Variants in ATG7 observed in about 807,000 individuals in gnomAD.
ATG7 encodes ubiquitin-like modifier-activating enzyme ATG7.
In ATG7, 70 loss-of-function variants were observed where a neutral mutation model predicts 82.4. The ratio of observed to expected loss-of-function variants is 0.85; its 90% CI spans 0.70 to 1.04. ATG7 has a LOEUF of 1.04. Among genes scored for constraint, ATG7 ranks in the 50% least tolerant of loss-of-function variants. ATG7 has a pLI of 0.00. For missense variants in ATG7, 792 were observed against 864.3 expected (o/e 0.92, Z 1.05); for synonymous variants, 287 against 313.0 (o/e 0.92, Z 0.88).
intron 20 of ATG7, among the ~76,000 whole-genome samples, chr3:11,537,886 G>T (rs564132238): frequency 6.6e-6 from 1 of 152,090 alleles, no homozygotes; most frequent in Non-Finnish European, 1.5e-5. Context: ...GGTAGAGCCC[G>T]GATCCAAAAT....
intron 20 of ATG7, among the ~76,000 whole-genome samples, chr3:11,496,746 T>C (rs1004689585): frequency 5.3e-5 from 8 of 152,238 alleles, no homozygotes; most frequent in Non-Finnish European, 7.3e-5. Flanking sequence ...TTCTGTGGGA[T>C]GTATTATCAT....
chr3:11,306,882 C>A, intron 5 of ATG7, 61 bp from the exon 6 acceptor site: 1 of 1,348,058 alleles, frequency 7.4e-7, no homozygotes, highest in Non-Finnish European at 1.1e-6. Context: ...TGGTGGTTGA[C>A]TTGTCTCTCC....
intron 20 of ATG7, among the ~76,000 whole-genome samples, chr3:11,537,112 C>T (rs373155999): frequency 6.6e-6 from 1 of 152,094 alleles, no homozygotes; most frequent in Non-Finnish European, 1.5e-5. Context: ...CTGCTGTCAG[C>T]CCCCCGGAGC....
intron 19 of ATG7, among the ~76,000 whole-genome samples, chr3:11,401,355 C>T (rs2079817381): frequency 6.6e-6 from 1 of 152,036 alleles, no homozygotes; most frequent in Non-Finnish European, 1.5e-5. Context: ...TCCAAGTATC[C>T]TTCAAATAAT....
chr3:11,458,455 G>A (rs866039862), intron 20 of ATG7, among the ~76,000 whole-genome samples: 1 of 152,086 alleles, frequency 6.6e-6, no homozygotes, highest in African/African-American at 2.4e-5. Context: ...AGTAGAGACT[G>A]GGTTTCACCG....
At chr3:11,522,799 T>A (rs900820342) in intron 20 of ATG7, among the ~76,000 whole-genome samples, 1 of 152,202 alleles carries the variant, frequency 6.6e-6, no homozygotes, top group Non-Finnish European at 1.5e-5. Context: ...TCTGAGCTTG[T>A]GGTACAGACT....
At chr3:11,338,529 A>G (rs1458443981) in intron 11 of ATG7, among the ~76,000 whole-genome samples, 1 of 152,146 alleles carries the variant, frequency 6.6e-6, no homozygotes, top group East Asian at 1.9e-4. Flanking sequence ...TGAAACTCAA[A>G]TCTGACTGGG....
In ATG7 at chr3:11,519,539, G is replaced by GTTTTTT. The variant is rs574523805; in HGVS notation, c.2080-35239_2080-35234dup. On this transcript the variant is annotated intron_variant, in intron 20 of 20. Transcript: ENST00000693202. ...TCATGAAAGGCAGGCAGTGAGAGGA[G>GTTTTTT]TTTTTTTTTTTTTTTTTTTTTTTTT... 2.1e-4 allele frequency among the ~76,000 whole-genome samples: 13 copies of GTTTTTT among 62,206 alleles called. 5 individuals carry two copies. Among genetic ancestry groups the GTTTTTT allele is most frequent in the South Asian group, 8.9e-4 (1 of 1,120 alleles). 40.8% of individuals were successfully genotyped at this position (62,206 alleles called of 152,430 possible). A position where few individuals can be genotyped will look rare whatever the true frequency, so the allele number is the denominator to read the frequency against.
chr3:11,472,524 A>G (rs76113546), intron 20 of ATG7, among the ~76,000 whole-genome samples: 1,722 of 152,326 alleles, frequency 0.011, 30 homozygotes, highest in African/African-American at 0.039. Flanking sequence ...TAAGTCACAT[A>G]ATCTGAGAGC....
At chr3:11,511,816 A>G (rs566976911) in intron 20 of ATG7, among the ~76,000 whole-genome samples, 31 of 152,146 alleles carry the variant, frequency 2.0e-4, no homozygotes, top group African/African-American at 7.2e-4. Flanking sequence ...TACTCAGTAC[A>G]CCCTCCGCAG....
intron 3 of ATG7, among the ~76,000 whole-genome samples, chr3:11,288,892 C>T (rs1489316483): frequency 6.6e-6 from 1 of 152,194 alleles, no homozygotes; most frequent in Non-Finnish European, 1.5e-5. Flanking sequence ...GCTGCTATTT[C>T]AGTTTAATCT....
intron 5 of ATG7, among the ~76,000 whole-genome samples, chr3:11,304,955 G>A (rs1947474024): frequency 6.6e-6 from 1 of 152,018 alleles, no homozygotes; most frequent in Non-Finnish European, 1.5e-5. Flanking sequence ...ATTAATTCCA[G>A]AACATTTCCA....
At chr3:11,395,337 T>C (rs1357734266) in intron 19 of ATG7, among the ~76,000 whole-genome samples, 1 of 152,178 alleles carries the variant, frequency 6.6e-6, no homozygotes, top group Admixed American at 6.5e-5. Context: ...AATGGGATTA[T>C]AGATAAACTT....
intron 9 of ATG7, among the ~76,000 whole-genome samples, chr3:11,318,260 G>A (rs1052049163): frequency 1.6e-4 from 24 of 152,176 alleles, no homozygotes; most frequent in Admixed American, 7.9e-4. Context: ...CTCAGCACAC[G>A]TGATGAACAC....
chr3:11,537,969 C>T (rs1330510422), intron 20 of ATG7, among the ~76,000 whole-genome samples: 1 of 146,856 alleles, frequency 6.8e-6, no homozygotes, highest in Admixed American at 6.8e-5. Flanking sequence ...TGGTACCTGG[C>T]CGAGATCTGG....
At chr3:11,488,520 T>TCCGCACTGCCCCGGGC (rs1337259280) in intron 20 of ATG7, 1 of 1,196,280 alleles carries the variant, frequency 8.4e-7, no homozygotes, top group Admixed American at 4.6e-5. Context: ...CTGTCCCGGC[T>TCCGCACTGCCCCGGGC]CCGCACTGCC....
At chr3:11,293,768 G>A (rs1024832692) in intron 3 of ATG7, among the ~76,000 whole-genome samples, 16 of 150,214 alleles carry the variant, frequency 1.1e-4, no homozygotes, top group African/African-American at 3.4e-4. Flanking sequence ...GGAGAATCAC[G>A]TGAACCCAGG....
intron 14 of ATG7, among the ~76,000 whole-genome samples, chr3:11,356,541 T>C (rs2075947525): frequency 6.6e-6 from 1 of 152,242 alleles, no homozygotes; most frequent in Admixed American, 6.5e-5. Context: ...GGCTGAAATT[T>C]TAGCAAGTAG....
intron 19 of ATG7, among the ~76,000 whole-genome samples, chr3:11,422,887 TG>T (rs1181469697): frequency 6.6e-6 from 1 of 151,896 alleles, no homozygotes; most frequent in Non-Finnish European, 1.5e-5. Flanking sequence ...CCCAGGTAGC[TG>T]GGATTACAGG....
Sources: allele counts gnomAD v4.1 joint callset (sites outside exome capture counted in the v4.1 genomes callset), GRCh38; gene constraint gnomAD v4.1.1; transcripts MANE v1.5; gene names NCBI Gene and HGNC (gene_info 2026-07-23, HGNC 2026-07-21).